The following GRK3 variants were observed in gnomAD, a reference collection of about 807,000 sequenced individuals.
GRK3 encodes the protein G protein-coupled receptor kinase 3.
A neutral mutation model predicts 95.7 loss-of-function variants in GRK3; 54 were observed. The observed-to-expected ratio is 0.56, with a 90% CI of 0.45 to 0.71. The LOEUF (loss-of-function observed/expected upper bound fraction) is 0.71, where lower values mean the gene tolerates loss of function less well. Among genes scored for constraint, GRK3 ranks in the 30% least tolerant of loss-of-function variants. GRK3 has a pLI of 0.00. For synonymous variants in GRK3, 281 were observed against 290.8 expected, an observed-to-expected ratio of 0.97 and a Z score of 0.34; for missense variants, 649 against 851.2, an observed-to-expected ratio of 0.76 and a Z score of 2.96.
At chr22:25,603,176 C>A (rs1292518171) in intron 1 of GRK3, among the ~76,000 whole-genome samples, 1 of 152,128 alleles carries the variant, frequency 6.6e-6, no homozygotes, top group Non-Finnish European at 1.5e-5. Flanking sequence ...CTCGGCCTCC[C>A]AAAGTGGTGG....
intron 9 of GRK3, among the ~76,000 whole-genome samples, chr22:25,684,181 T>C (rs1439514538): frequency 1.3e-5 from 2 of 152,362 alleles, no homozygotes; most frequent in East Asian, 3.9e-4. Context: ...TGTGGGCCTA[T>C]TTTGGATTCC....
At chr22:25,659,282 A>G (rs929140730) in intron 3 of GRK3, among the ~76,000 whole-genome samples, 6 of 152,212 alleles carry the variant, frequency 3.9e-5, no homozygotes, top group African/African-American at 1.4e-4. Flanking sequence ...TGAGAAGTCA[A>G]TAAGGTGAAG....
At chr22:25,652,362 C>T (rs142045888) in intron 3 of GRK3, among the ~76,000 whole-genome samples, 7 of 152,014 alleles carry the variant, frequency 4.6e-5, no homozygotes, top group Non-Finnish European at 1.0e-4. Flanking sequence ...ACCCGGGAGG[C>T]GGAGCTTGCA....
chr22:25,577,607 T>G (rs1931951282), intron 1 of GRK3, among the ~76,000 whole-genome samples: 1 of 152,204 alleles, frequency 6.6e-6, no homozygotes, highest in Non-Finnish European at 1.5e-5. Flanking sequence ...GGGACAGAGT[T>G]GTATTTGTCA....
intron 1 of GRK3, among the ~76,000 whole-genome samples, chr22:25,600,060 T>G (rs1189097758): frequency 6.6e-6 from 1 of 151,982 alleles, no homozygotes; most frequent in Non-Finnish European, 1.5e-5. Flanking sequence ...TTAAAAGAGA[T>G]CATCAGGTAG....
intron 10 of GRK3, among the ~76,000 whole-genome samples, chr22:25,686,128 A>G (rs1474326286): frequency 2.0e-5 from 3 of 151,814 alleles, no homozygotes; most frequent in South Asian, 2.1e-4. Flanking sequence ...AGGCTGAGGC[A>G]GGAGAATGGT....
At chr22:25,576,185 C>T (rs1931888877) in intron 1 of GRK3, among the ~76,000 whole-genome samples, 1 of 151,666 alleles carries the variant, frequency 6.6e-6, no homozygotes, top group Non-Finnish European at 1.5e-5. Flanking sequence ...CTGGAGCTCT[C>T]TCTCGTGGGT....
At chr22:25,671,233 C>T (rs1426625129) in intron 6 of GRK3, among the ~76,000 whole-genome samples, 2 of 121,504 alleles carry the variant, frequency 1.6e-5, no homozygotes, top group Non-Finnish European at 3.5e-5. Context: ...CCAGCTACTC[C>T]GGAGGCTGAG....
At chr22:25,591,404 G>T (rs1932483964) in intron 1 of GRK3, among the ~76,000 whole-genome samples, 1 of 152,084 alleles carries the variant, frequency 6.6e-6, no homozygotes, top group Non-Finnish European at 1.5e-5. Context: ...AGGCTTGATT[G>T]CAGAAAGCTT....
intron 19 of GRK3, among the ~76,000 whole-genome samples, chr22:25,721,011 A>G (rs892384583): frequency 6.6e-6 from 1 of 152,194 alleles, no homozygotes; most frequent in Non-Finnish European, 1.5e-5. Flanking sequence ...GCGATTCATC[A>G]TCATTCAAAA....
chr22:25,645,833 A>G (rs1020849873), intron 3 of GRK3, among the ~76,000 whole-genome samples: 7 of 151,746 alleles, frequency 4.6e-5, no homozygotes, highest in African/African-American at 1.5e-4. Context: ...AGGCAGGAGA[A>G]TGGTGTGAAC....
intron 3 of GRK3, among the ~76,000 whole-genome samples, chr22:25,649,622 A>G (rs1434646695): frequency 2.0e-5 from 3 of 152,252 alleles, no homozygotes; most frequent in Admixed American, 1.3e-4. Context: ...AAGCTATACC[A>G]TAATAAAATC....
chr22:25,630,888 A>G (rs969250147), intron 2 of GRK3, among the ~76,000 whole-genome samples: 1 of 152,234 alleles, frequency 6.6e-6, no homozygotes, highest in African/African-American at 2.4e-5. Flanking sequence ...ACTGTTTACA[A>G]TATTCCCAAA....
At chr22:25,695,733 G>A (rs2085202557) in intron 13 of GRK3, among the ~76,000 whole-genome samples, 1 of 152,010 alleles carries the variant, frequency 6.6e-6, no homozygotes, top group Admixed American at 6.5e-5. Context: ...ACACACACAG[G>A]CTCACTGTAG....
chr22:25,691,925 A>T (rs1256040849), intron 12 of GRK3, among the ~76,000 whole-genome samples: 2 of 152,184 alleles, frequency 1.3e-5, no homozygotes, highest in African/African-American at 4.8e-5. Context: ...AATGATCAGG[A>T]GGCTACTACT....
chr22:25,617,271 A>G (rs190232772), intron 2 of GRK3, among the ~76,000 whole-genome samples: 1 of 152,296 alleles, frequency 6.6e-6, no homozygotes, highest in East Asian at 1.9e-4. Context: ...AGAAGATTGA[A>G]ATTAGTTGTT....
intron 4 of GRK3, among the ~76,000 whole-genome samples, chr22:25,663,031 G>C (rs1055029312): frequency 7.9e-5 from 12 of 151,788 alleles, no homozygotes; most frequent in Non-Finnish European, 1.2e-4. Flanking sequence ...GGGTATTTTT[G>C]TGTATTTTCT....
At chr22:25,637,897 T>C (rs191222661) in intron 2 of GRK3, among the ~76,000 whole-genome samples, 2 of 152,350 alleles carry the variant, frequency 1.3e-5, no homozygotes, top group Admixed American at 1.3e-4. Context: ...TGGGAAATTC[T>C]CCCTTCCCTG....
intron 4 of GRK3, among the ~76,000 whole-genome samples, chr22:25,662,469 C>A (rs184484580): frequency 6.6e-6 from 1 of 152,210 alleles, no homozygotes; most frequent in Non-Finnish European, 1.5e-5. Flanking sequence ...GATACACAAC[C>A]CTCCCATTGT....
Sources: allele counts gnomAD v4.1 joint callset (sites outside exome capture counted in the v4.1 genomes callset), GRCh38; gene constraint gnomAD v4.1.1; transcripts MANE v1.5; gene names NCBI Gene and HGNC (gene_info 2026-07-23, HGNC 2026-07-21).